The following ABCB8 variants were observed in gnomAD, a reference collection of about 807,000 sequenced individuals.
ABCB8 encodes the protein mitochondrial potassium channel ATP-binding subunit.
In ABCB8, 52 loss-of-function variants were observed where a neutral mutation model predicts 73.0. The ratio of observed to expected loss-of-function variants is 0.71; its 90% CI spans 0.57 to 0.90. ABCB8 has a LOEUF of 0.90. Among genes scored for constraint, ABCB8 ranks in the 40% least tolerant of loss-of-function variants. The pLI is 0.00. For missense variants in ABCB8, 909 were observed against 974.6 expected (o/e 0.93, Z 0.90); for synonymous variants, 428 against 423.5 (o/e 1.01, Z -0.13).
rs199735230 is a variant in ABCB8 at position 151,042,097 on chromosome 7, A to G, written c.1754A>G (p.Asn585Ser). The change falls in exon 14 of 16, where the codon AAC becomes AGC. Residue 585 changes from asparagine (N) to serine (S), a missense_variant. Physicochemically the swap from Asn to Ser is conservative, Grantham distance 46. Transcript: ENST00000358849. ...ATCACCAGCTTCCCCGAGGGCTACA[A>G]CACGGTCGTCGGTGGGTGCTCGGGT... is the stretch of plus-strand genomic sequence containing the variant. ...EFITSFPEGY[N>S]TVVGERGTTL... The G allele has an allele frequency of 2.5e-6, 4 of 1,612,900 alleles. No individual in the cohort carries two copies. The highest frequency in any genetic ancestry group is 2.2e-5 in the East Asian group (1 of 44,894).
rs988783563 is a variant in ABCB8, at chr7:151,042,061, C to T, written c.1718C>T (p.Ala573Val). The T allele has an allele frequency of 1.2e-6, 2 of 1,613,078 alleles. No homozygotes were observed. The highest frequency in any genetic ancestry group is 2.7e-5 in the African/African-American group (2 of 74,938). Residue 573 changes from alanine to valine, a missense_variant, in exon 14 of 16, where the codon GCT becomes GTT. Physicochemically the swap from Ala to Val is moderately conservative, Grantham distance 64. Coordinates refer to ENST00000358849, the MANE Select transcript of ABCB8 (RefSeq NM_007188.5). Reference protein sequence around the residue: ...EVYTAAREANAHEFITSFPEG... With the variant: ...EVYTAAREANVHEFITSFPEG... ...TACACAGCCGCCCGGGAAGCGAATG[C>T]TCACGAGTTCATCACCAGCTTCCCC...
At chr7:151,045,180 A>G (rs773121405) in intron 15 of ABCB8, 29 bp from the exon 16 acceptor site, 2 of 1,514,574 alleles carry the variant, frequency 1.3e-6, no homozygotes, top group South Asian at 1.3e-5. Context: ...CCTTGGAGCA[A>G]CCATCCGCCC....
chr7:151,045,049 G>A (rs1243137156), intron 15 of ABCB8, among the ~76,000 whole-genome samples, 160 bp from the exon 16 acceptor site: 1 of 152,216 alleles, frequency 6.6e-6, no homozygotes, highest in African/African-American at 2.4e-5. Context: ...TGCCAGTGGC[G>A]GTTCCTTTCA....
chr7:151,044,335 GC>G, intron 15 of ABCB8, 114 bp downstream of exon 15: 1 of 1,485,450 alleles, frequency 6.7e-7, no homozygotes, highest in East Asian at 2.3e-5. Context: ...GGCCTTGGGG[GC>G]TATATTCTGG....
At chr7:151,036,889 A>G in intron 9 of ABCB8, 1 of 753,322 alleles carries the variant, frequency 1.3e-6, no homozygotes, top group African/African-American at 1.7e-5. Context: ...CAGCCTTCCA[A>G]AGGACCCAGA....
At chr7:151,043,063 G>A (rs1171987323) in intron 14 of ABCB8, among the ~76,000 whole-genome samples, 1 of 152,240 alleles carries the variant, frequency 6.6e-6, no homozygotes, top group Middle Eastern at 3.2e-3. Flanking sequence ...CACTTGTGCT[G>A]TCCTCTGTGG....
chr7:151,046,095 G>A lies in ABCB8; in HGVS notation c.*746G>A, dbSNP rs1420582209. On this transcript the variant is annotated 3_prime_UTR_variant, in exon 16 of 16. Coordinates refer to ENST00000358849, the MANE Select transcript of ABCB8 (RefSeq NM_007188.5). ...ACGAGAAGCGCCAGCCTGCCTGGCT[G>A]TCTTCCACCGGCCCTGCCCTGTGTG... 1 of 152,320 alleles carries A rather than the reference G, an allele frequency of 6.6e-6. No individual in the cohort carries two copies. The highest frequency in any genetic ancestry group is 1.5e-5 in the Non-Finnish European group (1 of 68,100). 9.4% of individuals were successfully genotyped at this position (152,320 alleles called of 1,614,324 possible). A position where few individuals can be genotyped will look rare whatever the true frequency, so the allele number is the denominator to read the frequency against.
intron 14 of ABCB8, 56 bp from the exon 15 acceptor site, chr7:151,043,915 G>T: frequency 1.3e-6 from 2 of 1,592,356 alleles, no homozygotes; most frequent in East Asian, 2.3e-5. Context: ...GTGCCCCTTT[G>T]TGGGCCACCC....
chr7:151,044,188 C>T lies in ABCB8; in HGVS notation c.1983C>T (p.Cys661=), dbSNP rs1003374791. The T allele has an allele frequency of 6.2e-7, 1 of 1,603,998 alleles. No homozygotes were observed. Among genetic ancestry groups the T allele is most frequent in the Non-Finnish European group, 8.5e-7 (1 of 1,171,578 alleles). Residue 661 remains cysteine (C), a synonymous_variant, in exon 15 of 16, where the codon TGC becomes TGT. Coordinates refer to ENST00000358849, the MANE Select transcript of ABCB8 (RefSeq NM_007188.5). The part of the protein sequence containing the change: ...HRLSTVRGAH[C]IVVMADGRVW... ...TCAGCACTGTCCGTGGGGCCCACTG[C>T]ATTGTCGTCATGGCCGATGGCCGTG...
At position 151,040,558 on chromosome 7, in the gene ABCB8, A is replaced by G; in HGVS notation, c.1312A>G (p.Ile438Val). Residue 438 changes from isoleucine (I) to valine (V), a missense_variant, in exon 11 of 16, where the codon ATC (isoleucine) becomes GTC (valine). By Grantham distance (29) the Ile-to-Val change is conservative. Transcript: ENST00000358849. ...TGAGTACATGGCCCTGAACCCCTGC[A>G]TCCCACTGTCTGGGGGCTGCTGCGT... is the stretch of plus-strand genomic sequence containing the variant. The part of the protein sequence containing the change: ...VFEYMALNPC[I>V]PLSGGCCVPK... 1 of 1,613,440 alleles carries G rather than the reference A, an allele frequency of 6.2e-7. No individual in the cohort carries two copies. The highest frequency in any genetic ancestry group is 2.2e-5 in the East Asian group (1 of 44,876).
intron 14 of ABCB8, 21 bp downstream of exon 14, chr7:151,042,129 G>A: frequency 1.2e-6 from 2 of 1,609,742 alleles, no homozygotes; most frequent in Non-Finnish European, 1.7e-6. Context: ...GGGTCTGCCG[G>A]GAACCAGGTG....
At chr7:151,031,191 G>C (rs1416502066) in intron 1 of ABCB8, 7 of 1,160,426 alleles carry the variant, frequency 6.0e-6, no homozygotes, top group Non-Finnish European at 8.7e-6. Context: ...CATCTATTAT[G>C]TACCGGAGTT....
chr7:151,036,184 T>G lies in ABCB8; in HGVS notation c.1111+14T>G. On this transcript the variant is annotated intron_variant, in intron 8 of 15. Transcript: ENST00000358849. ...TCGCCTTCAACTGTGAGTGAGCCATTTGGGGGCTGGAGGGGCGCTTGTGGG... is the reference window on the plus strand; with the variant it reads ...TCGCCTTCAACTGTGAGTGAGCCATGTGGGGGCTGGAGGGGCGCTTGTGGG... The G allele has an allele frequency of 6.3e-7, 1 of 1,594,368 alleles. No homozygotes were observed.
Position 151,034,293 on chromosome 7 carries a change from C to G in ABCB8, c.429C>G (p.Leu143=), listed in dbSNP as rs369655759. ...TCCAGCTGGCCTTGGGTGCGGCACT[C>G]GTGAATGTACAGATCCCCCTGCTCC... ...VAVVLALGAA[L]VNVQIPLLLG... is the part of the protein sequence containing the mutation. Residue 143 remains leucine, a synonymous_variant, in exon 3 of 16, where the codon CTC becomes CTG. Transcript: ENST00000358849. 2.5e-6 allele frequency: 4 copies of G among 1,613,340 alleles called. No individual in the cohort carries two copies. In the East Asian group the frequency reaches 6.7e-5, roughly 27 times the overall value.
chr7:151,031,911 G>A (rs1796175150), intron 1 of ABCB8, among the ~76,000 whole-genome samples: 1 of 152,174 alleles, frequency 6.6e-6, no homozygotes, highest in Admixed American at 6.5e-5. Flanking sequence ...ACTGCGCCCG[G>A]CCATGCTACG....
chr7:151,034,229 C>T (rs1173138503), intron 2 of ABCB8, 44 bp from the exon 3 acceptor site: 2 of 1,566,656 alleles, frequency 1.3e-6, no homozygotes, highest in Non-Finnish European at 1.7e-6. Flanking sequence ...GGAGGAGTGG[C>T]TCCCCCACTT....
At position 151,036,653 on chromosome 7, in the gene ABCB8, A is replaced by G. The variant is rs1796317822; in HGVS notation, c.1217+4A>G. ...TGGCCTCCCAGACAGTGCAAAGGTA[A>G]GTGGGGGCCGTTCCCATTGCTACAG... is the stretch of plus-strand genomic sequence containing the variant. On this transcript the variant is annotated splice_donor_region_variant and intron_variant, in intron 9 of 15. Transcript: ENST00000358849. The G allele has an allele frequency of 1.3e-6, 2 of 1,596,794 alleles. No individual in the cohort carries two copies. Among genetic ancestry groups the G allele is most frequent in the Admixed American group, 3.4e-5 (2 of 58,494 alleles).
chr7:151,035,699 TGGG>T lies in ABCB8; in HGVS notation c.885_887del (p.Met295_Gly296delinsIle). 1 of 1,613,636 alleles carries T rather than the reference TGGG, an allele frequency of 6.2e-7. No individual in the cohort carries two copies. The highest frequency in any genetic ancestry group is 1.1e-5 in the South Asian group (1 of 91,080). On this transcript the variant is annotated inframe_deletion, in exon 6 of 16. Coordinates refer to ENST00000358849, the MANE Select transcript of ABCB8 (RefSeq NM_007188.5). ...GCCCTGATGGGAGTGGGCACCCTGATGGGCTCAGGCCTCCGAAAATTGTCTCGC... is the reference window on the plus strand; with the variant it reads ...GCCCTGATGGGAGTGGGCACCCTGATCTCAGGCCTCCGAAAATTGTCTCGC...
intron 9 of ABCB8, chr7:151,036,865 G>A (rs1322220729): frequency 9.2e-6 from 7 of 757,164 alleles, no homozygotes; most frequent in Admixed American, 3.4e-5. Context: ...CAGCAGGCAG[G>A]TGCTTGTCAT....
Sources: allele counts gnomAD v4.1 joint callset (sites outside exome capture counted in the v4.1 genomes callset), GRCh38; gene constraint gnomAD v4.1.1; transcripts MANE v1.5; gene names NCBI Gene and HGNC (gene_info 2026-07-23, HGNC 2026-07-21).